The following BTBD9 variants were observed in gnomAD, a reference collection of about 807,000 sequenced individuals.
BTBD9 encodes BTB/POZ domain-containing protein 9.
In BTBD9, 49 loss-of-function variants were observed where a neutral mutation model predicts 64.3. The ratio of observed to expected loss-of-function variants is 0.76; its 90% CI spans 0.61 to 0.97. The LOEUF is 0.97. Among genes scored for constraint, BTBD9 ranks in the 50% least tolerant of loss-of-function variants. The pLI is 0.00. For synonymous variants in BTBD9, 260 were observed against 274.7 expected (o/e 0.95, Z 0.53); for missense variants, 598 against 762.1 (o/e 0.78, Z 2.53).
chr6:38,288,378 C>G lies in BTBD9; in HGVS notation c.1348G>C (p.Gly450Arg). 1 of 1,614,154 alleles carries G rather than the reference C, an allele frequency of 6.2e-7. No homozygotes were observed. The highest frequency in any genetic ancestry group is 8.5e-7 in the Non-Finnish European group (1 of 1,180,020). Residue 450 changes from glycine to arginine, a missense_variant, in exon 8 of 11, where the codon GGG (glycine) becomes CGG (arginine). Physicochemically the swap from Gly to Arg is moderately radical, Grantham distance 125. Transcript: ENST00000481247. ...TCCCAGTCATAATTCTTAGTGTCCC[C>G]ATTCAGCAAGGCATTTCGGCTCCGA... Reference protein sequence around the residue: ...VSRSRNALLNGDTKNYDWDSG... With the variant: ...VSRSRNALLNRDTKNYDWDSG...
chr6:38,570,425 G>T (rs1408884325), intron 6 of BTBD9, among the ~76,000 whole-genome samples: 2 of 152,124 alleles, frequency 1.3e-5, no homozygotes, highest in East Asian at 1.9e-4. Flanking sequence ...TTAAGTAGCG[G>T]TTTTTCTCCT....
intron 9 of BTBD9, among the ~76,000 whole-genome samples, chr6:38,245,103 T>G (rs1199380635): frequency 6.6e-6 from 1 of 152,234 alleles, no homozygotes; most frequent in Non-Finnish European, 1.5e-5. Flanking sequence ...AAGTACATAC[T>G]GACCCCTACA....
rs1286008671 is a variant in BTBD9 at position 38,519,524 on chromosome 6, A to T, written c.1154+58076T>A. Among the ~76,000 whole-genome samples, 3 of 152,322 alleles carry T rather than the reference A, an allele frequency of 2.0e-5. No homozygotes were observed. The East Asian group carries it at 5.8e-4, about 29-fold the overall frequency. On this transcript the variant is annotated intron_variant, in intron 6 of 10. Coordinates refer to ENST00000481247, the MANE Select transcript of BTBD9 (RefSeq NM_001099272.2). ...TATCCTTGTACTGTAAAGTATACTA[A>T]ACTGTCACTTTAAAATCCTTTCAAC... is the stretch of plus-strand genomic sequence containing the variant.
intron 3 of BTBD9, 47 bp downstream of exon 3, chr6:38,593,917 A>C: frequency 2.0e-6 from 3 of 1,485,012 alleles, no homozygotes; most frequent in Non-Finnish European, 9.2e-7. Context: ...TATAGGTATA[A>C]ATAAAACAAT....
At chr6:38,238,961 A>C (rs1763894338) in intron 9 of BTBD9, among the ~76,000 whole-genome samples, 1 of 152,136 alleles carries the variant, frequency 6.6e-6, no homozygotes. Flanking sequence ...GGCCTGAACA[A>C]GTTTTTCAGG....
At chr6:38,525,145 G>A (rs540734776) in intron 6 of BTBD9, among the ~76,000 whole-genome samples, 51 of 152,210 alleles carry the variant, frequency 3.4e-4, no homozygotes, top group Non-Finnish European at 4.0e-4. Flanking sequence ...CCCATGTGTC[G>A]AGGGAGAAAG....
intron 6 of BTBD9, among the ~76,000 whole-genome samples, chr6:38,568,299 T>C (rs555490125): frequency 1.3e-5 from 2 of 152,312 alleles, no homozygotes; most frequent in Non-Finnish European, 2.9e-5. Context: ...TCTAAGTTTG[T>C]TTGTTTATCT....
chr6:38,627,368 G>C (rs995333805), intron 1 of BTBD9, among the ~76,000 whole-genome samples: 2 of 152,224 alleles, frequency 1.3e-5, no homozygotes, highest in Admixed American at 1.3e-4. Flanking sequence ...ATATGGAACA[G>C]CCTCCAAGAT....
intron 9 of BTBD9, among the ~76,000 whole-genome samples, chr6:38,229,420 A>G (rs1763522195): frequency 6.6e-6 from 1 of 152,154 alleles, no homozygotes; most frequent in South Asian, 2.1e-4. Flanking sequence ...TCATGACCCT[A>G]CAGCCCCTTT....
At chr6:38,442,378 T>C (rs1769072686) in intron 6 of BTBD9, among the ~76,000 whole-genome samples, 1 of 151,942 alleles carries the variant, frequency 6.6e-6, no homozygotes, top group South Asian at 2.1e-4. Flanking sequence ...CCCAGCCTAC[T>C]CGGGAGGCTT....
rs113280210 is a variant in BTBD9, at chr6:38,174,950, G to A, written c.*35C>T. Reference sequence around the variant, plus strand: ...AGGAGACCGTTTCCTGCCGTTGCCCGAGCCCACCAAGTCACACCAGGCCCG... The same window carrying A: ...AGGAGACCGTTTCCTGCCGTTGCCCAAGCCCACCAAGTCACACCAGGCCCG... On this transcript the variant is annotated 3_prime_UTR_variant, in exon 11 of 11. Coordinates refer to ENST00000481247, the MANE Select transcript of BTBD9 (RefSeq NM_001099272.2). 5,200 of 1,607,882 alleles carry A rather than the reference G, an allele frequency of 3.2e-3. 136 individuals are homozygous for A. The African/African-American group carries it at 0.059, about 18-fold the overall frequency.
At chr6:38,637,797 T>G (rs1186968523) in intron 1 of BTBD9, among the ~76,000 whole-genome samples, 1 of 152,226 alleles carries the variant, frequency 6.6e-6, no homozygotes, top group African/African-American at 2.4e-5. Context: ...AACCTGATAT[T>G]GGTTCAAGCG....
chr6:38,496,850 C>A (rs7770868), intron 6 of BTBD9, among the ~76,000 whole-genome samples: 74,168 of 152,006 alleles, frequency 0.49, 19,242 homozygotes, highest in Non-Finnish European at 0.59. Flanking sequence ...CTAGTGGCAA[C>A]AGCCATCATG....
chr6:38,485,504 T>C (rs1459506705), intron 6 of BTBD9, among the ~76,000 whole-genome samples: 1 of 152,238 alleles, frequency 6.6e-6, no homozygotes, highest in African/African-American at 2.4e-5. Context: ...TTAACAGGCA[T>C]GAAAACAACA....
chr6:38,408,432 T>G (rs1390248684), intron 6 of BTBD9, among the ~76,000 whole-genome samples: 1 of 152,218 alleles, frequency 6.6e-6, no homozygotes, highest in Non-Finnish European at 1.5e-5. Flanking sequence ...GCTTAAAGGT[T>G]AAATACATTG....
At chr6:38,625,341 C>T (rs1030587231) in intron 1 of BTBD9, among the ~76,000 whole-genome samples, 1 of 152,194 alleles carries the variant, frequency 6.6e-6, no homozygotes, top group Non-Finnish European at 1.5e-5. Flanking sequence ...AATAAAAATA[C>T]TTAGCATTTA....
At chr6:38,253,178 C>T (rs771170628) in intron 9 of BTBD9, among the ~76,000 whole-genome samples, 2 of 152,088 alleles carry the variant, frequency 1.3e-5, no homozygotes, top group African/African-American at 4.8e-5. Flanking sequence ...TGTGTTAGTC[C>T]GTTTTCATAC....
chr6:38,409,666 T>TA (rs576379118), intron 6 of BTBD9, among the ~76,000 whole-genome samples: 83 of 151,306 alleles, frequency 5.5e-4, no homozygotes, highest in African/African-American at 1.8e-3. Context: ...CTACTAAAAA[T>TA]AAAAAAAATT....
At chr6:38,425,997 C>G (rs1222771640) in intron 6 of BTBD9, among the ~76,000 whole-genome samples, 1 of 151,230 alleles carries the variant, frequency 6.6e-6, no homozygotes, top group African/African-American at 2.4e-5. Flanking sequence ...TAAAAGCAAG[C>G]CCAACCAGAA....
Sources: gnomAD v4.1 joint callset for allele counts (sites outside exome capture counted in the v4.1 genomes callset) on GRCh38, gnomAD v4.1.1 for gene constraint, MANE v1.5 for transcripts, NCBI Gene and HGNC (gene_info 2026-07-23, HGNC 2026-07-21) for gene names.